The following L3MBTL4 variants were observed in gnomAD, a reference collection of about 807,000 sequenced individuals.
L3MBTL4 encodes the protein lethal(3)malignant brain tumor-like protein 4.
In L3MBTL4, 70 loss-of-function variants were observed where a neutral mutation model predicts 84.5. The observed-to-expected ratio is 0.83, with a 90% CI of 0.68 to 1.01. The LOEUF (loss-of-function observed/expected upper bound fraction) is 1.01. L3MBTL4 is among the 50% of genes least tolerant of loss of function. L3MBTL4 has a pLI of 0.00. For missense variants in L3MBTL4, 715 were observed against 754.8 expected (o/e 0.95, Z 0.62); for synonymous variants, 274 against 259.8 (o/e 1.05, Z -0.52).
intron 16 of L3MBTL4, among the ~76,000 whole-genome samples, chr18:6,026,632 G>T (rs1304990373): frequency 6.6e-6 from 1 of 152,186 alleles, no homozygotes; most frequent in East Asian, 1.9e-4. Flanking sequence ...CATCTAAAAT[G>T]TCACGTGAGG....
At chr18:6,170,846 G>A (rs746243562) in intron 13 of L3MBTL4, among the ~76,000 whole-genome samples, 23 of 152,198 alleles carry the variant, frequency 1.5e-4, no homozygotes, top group Non-Finnish European at 2.6e-4. Flanking sequence ...AAATGCTGGC[G>A]CCCTTCCCTA....
intron 10 of L3MBTL4, among the ~76,000 whole-genome samples, chr18:6,236,461 A>G (rs1446933813): frequency 7.2e-5 from 11 of 152,224 alleles, no homozygotes; most frequent in Admixed American, 7.2e-4. Context: ...CTAGGCTCAC[A>G]CAACGCCAAG....
chr18:6,340,583 G>A (rs753230327), intron 1 of L3MBTL4, among the ~76,000 whole-genome samples: 1 of 152,098 alleles, frequency 6.6e-6, no homozygotes, highest in Non-Finnish European at 1.5e-5. Context: ...CATGGCAAAG[G>A]GGCAGGGGCT....
intron 16 of L3MBTL4, among the ~76,000 whole-genome samples, chr18:6,061,479 G>T (rs1265742973): frequency 6.6e-6 from 1 of 151,902 alleles, no homozygotes; most frequent in African/African-American, 2.4e-5. Flanking sequence ...TAACAGAAAT[G>T]TTTAGTTTTA....
rs190337703 is a variant in L3MBTL4 at position 5,994,680 on chromosome 18, C to A, written c.1445-25118G>T. 6.2e-3 allele frequency among the ~76,000 whole-genome samples: 943 copies of A among 152,222 alleles called. 6 individuals are homozygous for A. The highest frequency in any genetic ancestry group is 0.02 in the Middle Eastern group (6 of 294). On this transcript the variant is annotated intron_variant, in intron 16 of 18. Coordinates refer to ENST00000317931, the MANE Select transcript of L3MBTL4 (RefSeq NM_001330559.2). ...AAGATAGGGACCAGACTGCCTCCAG[C>A]GACAGAGAGTTACCTCCAAGAGGTC...
intron 16 of L3MBTL4, among the ~76,000 whole-genome samples, chr18:5,992,048 G>C (rs560587490): frequency 1.3e-5 from 2 of 151,912 alleles, no homozygotes; most frequent in African/African-American, 4.8e-5. Flanking sequence ...CATTATACCA[G>C]GTTCTTGGGA....
chr18:6,284,559 C>T (rs1203446679), intron 4 of L3MBTL4, among the ~76,000 whole-genome samples: 1 of 152,230 alleles, frequency 6.6e-6, no homozygotes, highest in African/African-American at 2.4e-5. Context: ...AGCGCCGCCA[C>T]CTTGGAGGGG....
At chr18:6,132,715 A>G (rs2059909762) in intron 14 of L3MBTL4, among the ~76,000 whole-genome samples, 1 of 152,232 alleles carries the variant, frequency 6.6e-6, no homozygotes, top group Non-Finnish European at 1.5e-5. Context: ...TAGATAATAC[A>G]AAGAAGAACA....
chr18:6,202,472 C>T (rs961316668), intron 12 of L3MBTL4, among the ~76,000 whole-genome samples: 1 of 151,860 alleles, frequency 6.6e-6, no homozygotes, highest in East Asian at 1.9e-4. Flanking sequence ...CTTTGGGTAG[C>T]GAAGATTGAG....
intron 13 of L3MBTL4, among the ~76,000 whole-genome samples, chr18:6,144,689 G>A (rs1020323713): frequency 6.6e-6 from 1 of 152,124 alleles, no homozygotes; most frequent in Non-Finnish European, 1.5e-5. Context: ...CTTAAATCTG[G>A]TCATGGTCAC....
At chr18:6,388,336 A>G (rs779599230) in intron 1 of L3MBTL4, among the ~76,000 whole-genome samples, 1 of 152,252 alleles carries the variant, frequency 6.6e-6, no homozygotes, top group Non-Finnish European at 1.5e-5. Flanking sequence ...GAATGGCAGA[A>G]TAAAACATGT....
intron 16 of L3MBTL4, among the ~76,000 whole-genome samples, chr18:6,072,884 A>AT (rs2057727243): frequency 5.1e-5 from 1 of 19,740 alleles, no homozygotes; most frequent in Non-Finnish European, 9.5e-5. Flanking sequence ...AAAAAAAAAT[A>AT]TATATATATA....
intron 16 of L3MBTL4, among the ~76,000 whole-genome samples, chr18:6,048,355 T>C (rs2056711137): frequency 6.6e-6 from 1 of 152,202 alleles, no homozygotes; most frequent in Non-Finnish European, 1.5e-5. Flanking sequence ...ACTACCAATG[T>C]TATTTTTCAC....
In L3MBTL4 at chr18:6,111,835, T is replaced by C. The variant is rs556167768; in HGVS notation, c.1200-18307A>G. Among the ~76,000 whole-genome samples, 542 of 152,318 alleles carry C rather than the reference T, an allele frequency of 3.6e-3. 2 individuals are homozygous for C. Among genetic ancestry groups the C allele is most frequent in the African/African-American group, 0.013 (521 of 41,572 alleles). The stretch of plus-strand genomic sequence containing the variant: ...CATATGTATTACCTCTCATACTTAT[T>C]TTTTATGGTGATAACAATTAAAATC... On this transcript the variant is annotated intron_variant, in intron 14 of 18. Coordinates refer to ENST00000317931, the MANE Select transcript of L3MBTL4 (RefSeq NM_001330559.2).
chr18:6,232,250 T>C (rs1214232404), intron 10 of L3MBTL4, among the ~76,000 whole-genome samples: 1 of 152,120 alleles, frequency 6.6e-6, no homozygotes, highest in Non-Finnish European at 1.5e-5. Context: ...GGTTATGGTG[T>C]ATGTAATCTT....
chr18:6,415,215 C>T (rs576380920), upstream of L3MBTL4: 1 of 152,404 alleles, frequency 6.6e-6, no homozygotes, highest in Admixed American at 6.5e-5. Context: ...ATGCTTCATC[C>T]CAGCTCTTGG....
chr18:5,956,853 T>G (rs569307526), intron 18 of L3MBTL4, among the ~76,000 whole-genome samples: 1 of 152,260 alleles, frequency 6.6e-6, no homozygotes, highest in Admixed American at 6.5e-5. Context: ...ATAGTCAGAG[T>G]GGGCTACTAT....
At chr18:6,218,403 G>A (rs974384123) in intron 10 of L3MBTL4, among the ~76,000 whole-genome samples, 1 of 152,132 alleles carries the variant, frequency 6.6e-6, no homozygotes, top group African/African-American at 2.4e-5. Context: ...TCCATGCTGG[G>A]CTTCTTCACC....
chr18:6,285,314 C>T (rs1270379478), intron 4 of L3MBTL4, among the ~76,000 whole-genome samples: 1 of 152,120 alleles, frequency 6.6e-6, no homozygotes, highest in Non-Finnish European at 1.5e-5. Flanking sequence ...GGGAACAGAG[C>T]CACGTTTCTC....
Sources: gnomAD v4.1 joint callset for allele counts (sites outside exome capture counted in the v4.1 genomes callset) on GRCh38, gnomAD v4.1.1 for gene constraint, MANE v1.5 for transcripts, NCBI Gene and HGNC (gene_info 2026-07-23, HGNC 2026-07-21) for gene names.